The following GRIK2 variants were observed in gnomAD, a reference collection of about 807,000 sequenced individuals.
The protein encoded by GRIK2 is glutamate ionotropic receptor kainate type subunit 2.
Under a neutral mutation model 100.3 loss-of-function variants are expected in GRIK2, and 32 were observed. The observed-to-expected ratio is 0.32, with a 90% CI of 0.24 to 0.43. GRIK2 has a LOEUF of 0.43. GRIK2 is among the 20% of genes least tolerant of loss of function. The pLI is 1.00. For synonymous variants in GRIK2, 417 were observed against 389.4 expected, an observed-to-expected ratio of 1.07 and a Z score of -0.83; for missense variants, 843 against 1,114.9, an observed-to-expected ratio of 0.76 and a Z score of 3.47.
chr6:101,891,329 C>T (rs1444581646), intron 12 of GRIK2, among the ~76,000 whole-genome samples: 2 of 151,666 alleles, frequency 1.3e-5, no homozygotes, highest in Non-Finnish European at 1.5e-5. Context: ...CCATCCTGGC[C>T]AAAATGGTGA....
chr6:101,670,629 G>T (rs17062288), intron 4 of GRIK2, among the ~76,000 whole-genome samples: 7,595 of 152,178 alleles, frequency 0.05, 621 homozygotes, highest in African/African-American at 0.17. Flanking sequence ...GAGCTAATAT[G>T]TAACTATATA....
intron 2 of GRIK2, among the ~76,000 whole-genome samples, chr6:101,584,030 T>G (rs1778228936): frequency 6.6e-6 from 1 of 152,112 alleles, no homozygotes. Flanking sequence ...TGGCTGCAGT[T>G]GATGTCATGT....
intron 7 of GRIK2, among the ~76,000 whole-genome samples, chr6:101,702,151 A>G: frequency 6.6e-6 from 1 of 152,058 alleles, no homozygotes; most frequent in East Asian, 1.9e-4. Context: ...AAGTGCAAGC[A>G]TAACATTGTT....
rs111602357 is a variant in GRIK2, at chr6:101,611,379, G to A, written c.116-10570G>A. On this transcript the variant is annotated intron_variant, in intron 2 of 16. Transcript: ENST00000369134. Reference sequence around the variant, plus strand: ...GAGAATATGATAGATGTAGGAAGATGTATGCAAGTGGACCTTTAACGTCTT... The same window carrying A: ...GAGAATATGATAGATGTAGGAAGATATATGCAAGTGGACCTTTAACGTCTT... Among the ~76,000 whole-genome samples, 644 of 151,916 alleles carry A rather than the reference G, an allele frequency of 4.2e-3. 7 individuals are homozygous for A. Among genetic ancestry groups the A allele is most frequent in the African/African-American group, 0.015 (623 of 41,508 alleles).
chr6:101,450,964 T>C (rs1423945068), intron 2 of GRIK2, among the ~76,000 whole-genome samples: 1 of 151,760 alleles, frequency 6.6e-6, no homozygotes, highest in Non-Finnish European at 1.5e-5. Context: ...TTCTATTTGA[T>C]AAACTTTAAC....
At chr6:101,520,555 T>G (rs1774831684) in intron 2 of GRIK2, among the ~76,000 whole-genome samples, 1 of 152,036 alleles carries the variant, frequency 6.6e-6, no homozygotes, top group Non-Finnish European at 1.5e-5. Flanking sequence ...AAACATTGGT[T>G]GTTTTATGTT....
chr6:101,707,568 ATATGTG>A (rs749205827), intron 7 of GRIK2, among the ~76,000 whole-genome samples: 2,518 of 87,168 alleles, frequency 0.029, 86 homozygotes, highest in African/African-American at 0.11. Flanking sequence ...ATATATGTAT[ATATGTG>A]TATGTGTGTG....
At chr6:102,014,700 T>G (rs987267207) in intron 14 of GRIK2, among the ~76,000 whole-genome samples, 5 of 152,196 alleles carry the variant, frequency 3.3e-5, no homozygotes, top group Non-Finnish European at 7.4e-5. Context: ...TACTGCAAAG[T>G]CATTCAGGAG....
intron 10 of GRIK2, among the ~76,000 whole-genome samples, chr6:101,846,372 T>C (rs1453271467): frequency 4.6e-5 from 7 of 152,140 alleles, no homozygotes; most frequent in Non-Finnish European, 1.0e-4. Flanking sequence ...TTCATTTACA[T>C]GTAGATTTTT....
intron 14 of GRIK2, among the ~76,000 whole-genome samples, chr6:102,013,495 C>T (rs1368981600): frequency 4.6e-5 from 7 of 152,114 alleles, no homozygotes; most frequent in Admixed American, 4.6e-4. Flanking sequence ...TGAGAGAGGG[C>T]GTCCTTGCCT....
At chr6:101,427,718 A>C (rs1280515508) in intron 2 of GRIK2, among the ~76,000 whole-genome samples, 2 of 152,202 alleles carry the variant, frequency 1.3e-5, no homozygotes, top group Non-Finnish European at 2.9e-5. Context: ...TTTGGGTAGA[A>C]TTAAATGATT....
At chr6:101,783,215 T>C (rs917904416) in intron 7 of GRIK2, among the ~76,000 whole-genome samples, 4 of 152,048 alleles carry the variant, frequency 2.6e-5, no homozygotes, top group African/African-American at 9.7e-5. Flanking sequence ...TAGTGGGAGA[T>C]AATTAGATCA....
intron 2 of GRIK2, among the ~76,000 whole-genome samples, chr6:101,548,279 ACT>A (rs1305536122): frequency 6.6e-6 from 1 of 151,960 alleles, no homozygotes; most frequent in African/African-American, 2.4e-5. Context: ...TTGCCTGTTC[ACT>A]CTGATGGTAG....
intron 14 of GRIK2, among the ~76,000 whole-genome samples, chr6:101,997,838 T>C (rs1033767981): frequency 1.3e-5 from 2 of 152,104 alleles, no homozygotes; most frequent in African/African-American, 4.8e-5. Flanking sequence ...TTCTTCTTTT[T>C]CAAAATTTGC....
intron 14 of GRIK2, among the ~76,000 whole-genome samples, chr6:101,956,585 C>T (rs1018450565): frequency 7.2e-5 from 11 of 151,768 alleles, no homozygotes; most frequent in African/African-American, 2.7e-4. Flanking sequence ...CTGTCTATGT[C>T]CATGTGTACC....
intron 10 of GRIK2, among the ~76,000 whole-genome samples, chr6:101,827,395 A>C (rs1420087324): frequency 6.6e-6 from 1 of 151,900 alleles, no homozygotes; most frequent in Non-Finnish European, 1.5e-5. Context: ...TTATTAAAAA[A>C]CTTATTAGGG....
At chr6:101,938,645 G>C (rs991462427) in intron 14 of GRIK2, among the ~76,000 whole-genome samples, 3 of 152,048 alleles carry the variant, frequency 2.0e-5, no homozygotes, top group African/African-American at 7.2e-5. Flanking sequence ...TGTGTATTCA[G>C]AGAAGTACTT....
rs1189052350 is a variant in GRIK2 at position 101,819,411 on chromosome 6, T to A, written c.1317+928T>A. ...GAGGGATGTCAGATCTGTAGGCATG[T>A]CAAAATGAAGTAGCTTGGGTTAAAG... On this transcript the variant is annotated intron_variant, in intron 10 of 16. Transcript: ENST00000369134. Among the ~76,000 whole-genome samples the A allele has an allele frequency of 4.6e-5, 7 of 152,232 alleles. No individual in the cohort carries two copies. The East Asian group carries it at 1.4e-3, about 29-fold the overall frequency.
chr6:102,062,992 A>C (rs772223210), intron 16 of GRIK2, among the ~76,000 whole-genome samples: 1 of 150,668 alleles, frequency 6.6e-6, no homozygotes, highest in Non-Finnish European at 1.5e-5. Context: ...GTGACTTACT[A>C]TTCTTGGGCA....
Sources: allele counts gnomAD v4.1 joint callset (sites outside exome capture counted in the v4.1 genomes callset), GRCh38; gene constraint gnomAD v4.1.1; transcripts MANE v1.5; gene names NCBI Gene and HGNC (gene_info 2026-07-23, HGNC 2026-07-21).